Variants in GLI3 observed in about 807,000 individuals in gnomAD.
GLI3 encodes GLI family zinc finger 3, also known as transcription activator GLI3.
A neutral mutation model predicts 100.8 loss-of-function variants in GLI3; 20 were observed. The observed-to-expected ratio is 0.20, with a 90% CI of 0.14 to 0.29. GLI3 has a LOEUF of 0.29. GLI3 is among the 10% of genes least tolerant of loss of function. The pLI is 1.00. For missense variants in GLI3, 2,040 were observed against 2,128.5 expected (o/e 0.96, Z 0.82); for synonymous variants, 938 against 860.5 (o/e 1.09, Z -1.58).
At chr7:42,057,091 C>T (rs1195372873) in intron 4 of GLI3, among the ~76,000 whole-genome samples, 1 of 152,008 alleles carries the variant, frequency 6.6e-6, no homozygotes, top group Non-Finnish European at 1.5e-5. Context: ...TCACTCTATC[C>T]AAGCTAACCA....
intron 2 of GLI3, among the ~76,000 whole-genome samples, chr7:42,182,184 T>C (rs775783764): frequency 1.3e-5 from 2 of 152,160 alleles, no homozygotes; most frequent in Admixed American, 6.5e-5. Context: ...AGGCAGCCAG[T>C]AGACCCGTGG....
At chr7:42,073,360 A>G (rs1784819900) in intron 4 of GLI3, among the ~76,000 whole-genome samples, 1 of 152,174 alleles carries the variant, frequency 6.6e-6, no homozygotes, top group Admixed American at 6.5e-5. Flanking sequence ...GTACATATTT[A>G]TAAGGCTTAG....
At chr7:42,105,825 T>C (rs563582670) in intron 3 of GLI3, among the ~76,000 whole-genome samples, 43 of 152,180 alleles carry the variant, frequency 2.8e-4, no homozygotes, top group African/African-American at 1.0e-3. Flanking sequence ...GAGGCAGCTC[T>C]GTCTCTCGTA....
chr7:42,180,063 G>A (rs1050854569), intron 2 of GLI3, among the ~76,000 whole-genome samples: 8 of 152,170 alleles, frequency 5.3e-5, no homozygotes, highest in African/African-American at 1.4e-4. Context: ...AGTACAGAGG[G>A]AGAAGAGGGC....
At position 42,037,377 on chromosome 7, in the gene GLI3, A is replaced by T. The variant is rs374830225; in HGVS notation, c.1028+2661T>A. On this transcript the variant is annotated intron_variant, in intron 7 of 14. Transcript: ENST00000395925. ...GATCCTCTGGTGCTACCACTAACTG[A>T]TTATTCCTGAAGTCAGTTTTTAGAT... 3.0e-4 allele frequency among the ~76,000 whole-genome samples: 46 copies of T among 152,216 alleles called. No individual in the cohort carries two copies. The South Asian group carries it at 9.5e-3, about 32-fold the overall frequency.
At chr7:42,113,520 A>AG in intron 3 of GLI3, 1 of 1,137,510 alleles carries the variant, frequency 8.8e-7, no homozygotes, top group Non-Finnish European at 1.3e-6. Flanking sequence ...AAAGGGAAAA[A>AG]GGGAAAAGCT....
At chr7:42,030,723 CTTG>C (rs1789265702) in intron 7 of GLI3, among the ~76,000 whole-genome samples, 1 of 108,348 alleles carries the variant, frequency 9.2e-6, no homozygotes, top group Non-Finnish European at 2.0e-5. Flanking sequence ...TTTTTTGTTT[CTTG>C]TTTTTTTTTT....
At chr7:42,061,895 T>C (rs1784576168) in intron 4 of GLI3, among the ~76,000 whole-genome samples, 1 of 152,144 alleles carries the variant, frequency 6.6e-6, no homozygotes, top group Non-Finnish European at 1.5e-5. Context: ...GCTCAAGACG[T>C]AGAGAACAGC....
chr7:42,214,369 T>C (rs113019974), intron 2 of GLI3, among the ~76,000 whole-genome samples: 16 of 151,734 alleles, frequency 1.1e-4, no homozygotes, highest in African/African-American at 3.1e-4. Flanking sequence ...GATGAAAGAA[T>C]GCGGGATGAA....
intron 13 of GLI3, among the ~76,000 whole-genome samples, chr7:41,969,631 A>T (rs1039844300): frequency 6.6e-6 from 1 of 152,298 alleles, no homozygotes; most frequent in Non-Finnish European, 1.5e-5. Context: ...TTGTTTCCAG[A>T]GTTTTGGATG....
chr7:42,096,750 A>G (rs1785346862), intron 3 of GLI3, among the ~76,000 whole-genome samples: 1 of 152,210 alleles, frequency 6.6e-6, no homozygotes, highest in Non-Finnish European at 1.5e-5. Flanking sequence ...GCAAGGGCCC[A>G]GAGAACTCTG....
intron 3 of GLI3, among the ~76,000 whole-genome samples, chr7:42,138,431 TC>T (rs1162220657): frequency 6.6e-6 from 1 of 152,178 alleles, no homozygotes; most frequent in African/African-American, 2.4e-5. Context: ...GCACATTTGA[TC>T]AAAAGGTCAA....
In GLI3 at chr7:42,055,065, G is replaced by GTATA. The variant is rs1562706182; in HGVS notation, c.474-6373_474-6370dup. On this transcript the variant is annotated intron_variant, in intron 4 of 14. Transcript: ENST00000395925. Reference sequence around the variant, plus strand: ...CATATATATATACACACACATATATGTATACATATATATGTATATATACAT... The same window carrying GTATA: ...CATATATATATACACACACATATATGTATATATACATATATATGTATATATACAT... 2.2e-3 allele frequency among the ~76,000 whole-genome samples: 180 copies of GTATA among 80,474 alleles called. 3 individuals are homozygous for GTATA. The highest frequency in any genetic ancestry group is 7.7e-3 in the African/African-American group (151 of 19,636). 52.8% of individuals were successfully genotyped at this position (80,474 alleles called of 152,430 possible).
At chr7:42,058,742 T>C (rs117627536) in intron 4 of GLI3, among the ~76,000 whole-genome samples, 1 of 152,318 alleles carries the variant, frequency 6.6e-6, no homozygotes, top group Non-Finnish European at 1.5e-5. Context: ...TTCCAACAAC[T>C]GAAACAATGT....
intron 10 of GLI3, among the ~76,000 whole-genome samples, chr7:41,988,735 G>C (rs758167360): frequency 6.6e-5 from 10 of 152,158 alleles, no homozygotes; most frequent in Non-Finnish European, 1.5e-4. Flanking sequence ...AAGATATTTT[G>C]TTATCGCAAC....
chr7:42,164,996 C>G (rs1787211416), intron 2 of GLI3, among the ~76,000 whole-genome samples: 1 of 150,998 alleles, frequency 6.6e-6, no homozygotes, highest in African/African-American at 2.4e-5. Context: ...ATTCATGGGC[C>G]AGGAGCAGCG....
rs1787003951 is a variant in GLI3 at position 41,961,230 on chromosome 7, T to C, written c.*3100A>G. On this transcript the variant is annotated 3_prime_UTR_variant, in exon 15 of 15. Transcript: ENST00000395925. Reference sequence around the variant, plus strand: ...ATTTTTTAAAAAAATCTAAAAAAGGTGAAAAAAATGAACTTGTATTTTATT... The same window carrying C: ...ATTTTTTAAAAAAATCTAAAAAAGGCGAAAAAAATGAACTTGTATTTTATT... 1 of 152,474 alleles carries C rather than the reference T, an allele frequency of 6.6e-6. No homozygotes were observed. Among genetic ancestry groups the C allele is most frequent in the Admixed American group, 6.5e-5 (1 of 15,268 alleles). 9.4% of individuals were successfully genotyped at this position (152,474 alleles called of 1,614,324 possible).
At chr7:42,217,138 G>A (rs1193312749) in intron 2 of GLI3, among the ~76,000 whole-genome samples, 1 of 152,086 alleles carries the variant, frequency 6.6e-6, no homozygotes, top group African/African-American at 2.4e-5. Flanking sequence ...GAGGTGTGAG[G>A]GTTTTCACCA....
At chr7:41,983,997 C>T (rs992020993) in intron 10 of GLI3, among the ~76,000 whole-genome samples, 8 of 152,322 alleles carry the variant, frequency 5.3e-5, no homozygotes, top group African/African-American at 1.9e-4. Flanking sequence ...GTTTCTTCCA[C>T]TCCTTTGGGG....
Sources: gnomAD v4.1 joint callset for allele counts (sites outside exome capture counted in the v4.1 genomes callset) on GRCh38, gnomAD v4.1.1 for gene constraint, MANE v1.5 for transcripts, NCBI Gene and HGNC (gene_info 2026-07-23, HGNC 2026-07-21) for gene names.